Variants in HIPK2 observed in about 807,000 individuals in gnomAD.
HIPK2 encodes homeodomain-interacting protein kinase 2.
A neutral mutation model predicts 113.7 loss-of-function variants in HIPK2; 27 were observed. The ratio of observed to expected loss-of-function variants is 0.24; its 90% CI spans 0.17 to 0.33. The LOEUF (loss-of-function observed/expected upper bound fraction) is 0.33. HIPK2 is among the 10% of genes least tolerant of loss of function. The probability of loss-of-function intolerance (pLI) is 1.00; values close to 1 mark genes in which losing one functional copy is unlikely to be tolerated. For synonymous variants in HIPK2, 631 were observed against 642.2 expected (o/e 0.98, Z 0.26); for missense variants, 1,257 against 1,588.0 (o/e 0.79, Z 3.54).
At chr7:139,740,797 C>T (rs1796078397) in intron 1 of HIPK2, among the ~76,000 whole-genome samples, 1 of 152,220 alleles carries the variant, frequency 6.6e-6, no homozygotes, top group Non-Finnish European at 1.5e-5. Context: ...TCCAAGCTGG[C>T]AGTAAACAAA....
intron 1 of HIPK2, among the ~76,000 whole-genome samples, chr7:139,730,876 G>A (rs1467575017): frequency 6.6e-6 from 1 of 152,150 alleles, no homozygotes; most frequent in Non-Finnish European, 1.5e-5. Context: ...TACACACAGA[G>A]TGCGGGCCAC....
chr7:139,749,453 G>A (rs1796243300), intron 1 of HIPK2, among the ~76,000 whole-genome samples: 1 of 151,832 alleles, frequency 6.6e-6, no homozygotes, highest in South Asian at 2.1e-4. Context: ...ATAGATAAAA[G>A]ATCTTGCACA....
intron 1 of HIPK2, among the ~76,000 whole-genome samples, chr7:139,765,633 T>A (rs1255077987): frequency 6.6e-6 from 1 of 152,218 alleles, no homozygotes; most frequent in Non-Finnish European, 1.5e-5. Context: ...TCAGGCAGAA[T>A]TTACATTGGT....
rs1800566521 is a variant in HIPK2 at position 139,630,367 on chromosome 7, C to A, written c.1347+798G>T. Among the ~76,000 whole-genome samples the A allele has an allele frequency of 6.6e-6, 1 of 152,116 alleles. No homozygotes were observed. The highest frequency in any genetic ancestry group is 1.5e-5 in the Non-Finnish European group (1 of 68,028). ...ACCCCCATCACCCCAGCCGCCACCC[C>A]ACACTTCTATACTGGGCAAACCCGC... On this transcript the variant is annotated intron_variant, in intron 4 of 14. Transcript: ENST00000406875. This position sits in a 1 kb window ranked among gnomAD's most constrained non-coding sequence, Gnocchi z 4.0.
rs1436416960 is a variant in HIPK2 at position 139,777,669 on chromosome 7, G to C, written c.-46C>G. 4 of 1,098,584 alleles carry C rather than the reference G, an allele frequency of 3.6e-6. No individual in the cohort carries two copies. Among genetic ancestry groups the C allele is most frequent in the Non-Finnish European group, 4.4e-6 (4 of 901,108 alleles). 68.1% of individuals were successfully genotyped at this position (1,098,584 alleles called of 1,614,324 possible). Reference sequence around the variant, plus strand: ...TTCATGGCAACGGGGACGGGAAAGCGGCGCGCGAGCTCGGCCCCCCCAGCC... The same window carrying C: ...TTCATGGCAACGGGGACGGGAAAGCCGCGCGCGAGCTCGGCCCCCCCAGCC... On this transcript the variant is annotated 5_prime_UTR_variant, in exon 1 of 15. Coordinates refer to ENST00000406875, the MANE Select transcript of HIPK2 (RefSeq NM_022740.5).
intron 2 of HIPK2, among the ~76,000 whole-genome samples, chr7:139,686,313 C>CA (rs1261696554): frequency 6.6e-5 from 10 of 151,814 alleles, no homozygotes; most frequent in African/African-American, 1.9e-4. Context: ...TATGAACGAG[C>CA]AAAAAAAGTA....
intron 2 of HIPK2, among the ~76,000 whole-genome samples, chr7:139,658,087 C>T (rs1801735195): frequency 6.6e-6 from 1 of 152,194 alleles, no homozygotes; most frequent in Non-Finnish European, 1.5e-5. Context: ...TAGGGGATCA[C>T]CTGAGGTCAG....
intron 2 of HIPK2, among the ~76,000 whole-genome samples, chr7:139,667,064 TA>T (rs151198904): frequency 0.22 from 31,752 of 144,402 alleles, 3,644 homozygotes; most frequent in East Asian, 0.42. Context: ...GACTCCTTCT[TA>T]AAAAAAAAAA....
At chr7:139,633,814 G>A (rs552385925) in intron 2 of HIPK2, among the ~76,000 whole-genome samples, 16 of 152,108 alleles carry the variant, frequency 1.1e-4, no homozygotes, top group African/African-American at 3.9e-4. Context: ...GCGTGGTGGC[G>A]CAGGTCTGTA....
intron 1 of HIPK2, among the ~76,000 whole-genome samples, chr7:139,744,300 C>T (rs1796153770): frequency 6.6e-6 from 1 of 152,156 alleles, no homozygotes; most frequent in Non-Finnish European, 1.5e-5. Context: ...TCATGCTAAG[C>T]AAAAGAAGCC....
At chr7:139,726,729 G>A (rs1452096838) in intron 1 of HIPK2, among the ~76,000 whole-genome samples, 1 of 152,180 alleles carries the variant, frequency 6.6e-6, no homozygotes, top group East Asian at 1.9e-4. Context: ...CAATAGGATG[G>A]GCTGGGCCTG....
chr7:139,691,767 A>T (rs1794410799), intron 2 of HIPK2, among the ~76,000 whole-genome samples: 1 of 152,238 alleles, frequency 6.6e-6, no homozygotes, highest in Non-Finnish European at 1.5e-5. Flanking sequence ...CTCAGTTTCC[A>T]CCTGTGCAAG....
In HIPK2 at chr7:139,770,130, T is replaced by C. The variant is rs147923729; in HGVS notation, c.19+7475A>G. On this transcript the variant is annotated intron_variant, in intron 1 of 14. Coordinates refer to ENST00000406875, the MANE Select transcript of HIPK2 (RefSeq NM_022740.5). The stretch of plus-strand genomic sequence containing the variant: ...CAGAATTCAGGAAGGTGTAACTTGC[T>C]GTCTTTCTGTACAGTTTCAAAAACG... Among the ~76,000 whole-genome samples the C allele has an allele frequency of 2.1e-3, 326 of 152,394 alleles. 1 individual carries two copies. The highest frequency in any genetic ancestry group is 0.01 in the Middle Eastern group (3 of 294).
intron 2 of HIPK2, among the ~76,000 whole-genome samples, chr7:139,669,767 A>T (rs1445504225): frequency 1.3e-5 from 2 of 152,238 alleles, no homozygotes; most frequent in African/African-American, 2.4e-5. Flanking sequence ...ATTATCATGG[A>T]ATAAAAAGAT....
intron 2 of HIPK2, among the ~76,000 whole-genome samples, chr7:139,647,538 C>T (rs1801281397): frequency 6.6e-6 from 1 of 152,056 alleles, no homozygotes; most frequent in Non-Finnish European, 1.5e-5. Context: ...CTATAAAGCT[C>T]CACTTTTTAA....
chr7:139,623,401 T>G (rs1297788321), intron 6 of HIPK2, among the ~76,000 whole-genome samples: 1 of 151,058 alleles, frequency 6.6e-6, no homozygotes, highest in Non-Finnish European at 1.5e-5. Flanking sequence ...TTCCAGCTAC[T>G]CGGGAGGCTG....
intron 2 of HIPK2, among the ~76,000 whole-genome samples, chr7:139,698,129 C>T (rs1213047169): frequency 1.3e-5 from 2 of 152,106 alleles, no homozygotes; most frequent in Non-Finnish European, 2.9e-5. Flanking sequence ...CCTCCCAAAG[C>T]GCTGGAGTTA....
intron 2 of HIPK2, among the ~76,000 whole-genome samples, chr7:139,698,029 G>C (rs1371920944): frequency 6.6e-6 from 1 of 151,980 alleles, no homozygotes; most frequent in Non-Finnish European, 1.5e-5. Context: ...CGCCTGGCTA[G>C]TTTTTTGTAT....
At chr7:139,744,739 C>T (rs1302801816) in intron 1 of HIPK2, among the ~76,000 whole-genome samples, 4 of 152,158 alleles carry the variant, frequency 2.6e-5, no homozygotes, top group African/African-American at 9.7e-5. Flanking sequence ...TGCGAAGCCA[C>T]GTGACGGACT....
Sources: allele counts gnomAD v4.1 joint callset (sites outside exome capture counted in the v4.1 genomes callset), GRCh38; gene constraint gnomAD v4.1.1; non-coding constraint Gnocchi (gnomAD v3.1); transcripts MANE v1.5; gene names NCBI Gene and HGNC (gene_info 2026-07-23, HGNC 2026-07-21).